ADAM18: variants seen among roughly 807,000 people sequenced by gnomAD.
The protein encoded by ADAM18 is ADAM metallopeptidase domain 18.
ADAM18 carries 117 observed loss-of-function variants against 94.4 expected under a neutral mutation model. That is an observed-to-expected ratio of 1.24 (90% CI 1.07 to 1.45). The LOEUF (loss-of-function observed/expected upper bound fraction) is 1.45. Among genes scored for constraint, ADAM18 ranks in the 40% most tolerant of loss-of-function variants. The pLI is 0.00. For missense variants in ADAM18, 936 were observed against 880.0 expected (o/e 1.06, Z -0.81); for synonymous variants, 327 against 291.6 (o/e 1.12, Z -1.24).
intron 18 of ADAM18, among the ~76,000 whole-genome samples, chr8:39,714,294 TG>T (rs1738980887): frequency 6.6e-6 from 1 of 151,990 alleles, no homozygotes; most frequent in Admixed American, 6.6e-5. Flanking sequence ...TGTTGGGAGA[TG>T]GGGGACTGGG....
chr8:39,663,699 T>C (rs1820911552), intron 12 of ADAM18, 96 bp from the exon 13 acceptor site: 1 of 743,408 alleles, frequency 1.3e-6, no homozygotes, highest in African/African-American at 1.8e-5. Context: ...AACTACAAGT[T>C]TGTACACAAC....
intron 6 of ADAM18, 59 bp downstream of exon 6, chr8:39,610,765 G>A (rs551203660): frequency 5.9e-6 from 9 of 1,529,242 alleles, no homozygotes; most frequent in African/African-American, 1.4e-5. Flanking sequence ...TAGTTTTCTT[G>A]TAAATCATGA....
chr8:39,726,592 G>C (rs1181002942), intron 19 of ADAM18, among the ~76,000 whole-genome samples: 1 of 152,060 alleles, frequency 6.6e-6, no homozygotes, highest in Non-Finnish European at 1.5e-5. Context: ...TATCGCATGT[G>C]CTTTTGGTGA....
At position 39,668,065 on chromosome 8, in the gene ADAM18, A is replaced by G. The variant is rs758713976; in HGVS notation, c.1394A>G (p.Asn465Ser). The change falls in exon 14 of 20, where the codon AAT becomes AGT. Residue 465 changes from asparagine to serine, a missense_variant. Asn to Ser is a conservative substitution (Grantham distance 46). Transcript: ENST00000265707. ...DPECDFTEYC[N>S]GTSSNCVPDT... is the part of the protein sequence containing the mutation. The stretch of plus-strand genomic sequence containing the variant: ...GAGTGTGATTTTACAGAGTACTGCA[A>G]TGGAACCTCTAGTAATTGTGTTCCT... The G allele has an allele frequency of 1.6e-5, 26 of 1,614,004 alleles. No individual in the cohort carries two copies. Among genetic ancestry groups the G allele is most frequent in the East Asian group, 1.1e-4 (5 of 44,884 alleles).
rs540334654 is a variant in ADAM18, at chr8:39,671,737, A to G, written c.1525+3541A>G. 3.3e-5 allele frequency among the ~76,000 whole-genome samples: 5 copies of G among 152,310 alleles called. No individual in the cohort carries two copies. The East Asian group carries it at 9.7e-4, about 29-fold the overall frequency. On this transcript the variant is annotated intron_variant, in intron 14 of 19. Transcript: ENST00000265707. ...TAACACGAAGTGTATTCTCATCAGTATCTTCTCGCTATCCTTCGTGGCCAC... is the reference window on the plus strand; with the variant it reads ...TAACACGAAGTGTATTCTCATCAGTGTCTTCTCGCTATCCTTCGTGGCCAC...
intron 2 of ADAM18, among the ~76,000 whole-genome samples, chr8:39,596,812 T>A (rs1240965401): frequency 6.6e-6 from 1 of 152,220 alleles, no homozygotes; most frequent in Non-Finnish European, 1.5e-5. Flanking sequence ...AGAGTTCCTG[T>A]GGCTCCTCAT....
intron 11 of ADAM18, among the ~76,000 whole-genome samples, 161 bp from the exon 12 acceptor site, chr8:39,648,183 G>C (rs79801118): frequency 0.097 from 14,746 of 152,252 alleles, 977 homozygotes; most frequent in South Asian, 0.25. Flanking sequence ...GAATGTTAAA[G>C]ATAAGCAATA....
At chr8:39,589,567 G>T (rs970715292) in intron 2 of ADAM18, among the ~76,000 whole-genome samples, 1 of 151,528 alleles carries the variant, frequency 6.6e-6, no homozygotes, top group Admixed American at 6.6e-5. Context: ...CTTGACATGC[G>T]TATTTTACAC....
rs1313051947 is a variant in ADAM18, at chr8:39,598,870, G to C, written c.133-7437G>C. Among the ~76,000 whole-genome samples, 3 of 151,670 alleles carry C rather than the reference G, an allele frequency of 2.0e-5. No homozygotes were observed. The East Asian group carries it at 5.8e-4, about 29-fold the overall frequency. On this transcript the variant is annotated intron_variant, in intron 2 of 19. Coordinates refer to ENST00000265707, the MANE Select transcript of ADAM18 (RefSeq NM_014237.3). ...TTTCTCACCCAGGCTGGAGTGCCGT[G>C]GTGCGATCCCAGCTCACTGCAACCA...
At chr8:39,692,352 C>T (rs1466308771) in intron 16 of ADAM18, among the ~76,000 whole-genome samples, 1 of 151,548 alleles carries the variant, frequency 6.6e-6, no homozygotes, top group Non-Finnish European at 1.5e-5. Flanking sequence ...CTATATATAA[C>T]CTTTACATTA....
intron 3 of ADAM18, among the ~76,000 whole-genome samples, chr8:39,608,330 G>A (rs551614264): frequency 6.6e-6 from 1 of 151,816 alleles, no homozygotes; most frequent in Non-Finnish European, 1.5e-5. Flanking sequence ...TCTCAACACA[G>A]TGCTGATTTT....
intron 2 of ADAM18, chr8:39,605,753 G>A: frequency 4.6e-6 from 1 of 218,416 alleles, no homozygotes; most frequent in East Asian, 1.4e-4. Context: ...GTGGTATTTG[G>A]TTACATGAGT....
intron 7 of ADAM18, among the ~76,000 whole-genome samples, chr8:39,631,585 G>A (rs928329839): frequency 3.3e-5 from 5 of 151,824 alleles, no homozygotes; most frequent in African/African-American, 1.2e-4. Flanking sequence ...CATTACTGTA[G>A]CTTTATTGTT....
At position 39,645,429 on chromosome 8, in the gene ADAM18, A is replaced by C. The variant is rs748912338; in HGVS notation, c.1001A>C (p.Gln334Pro). The change falls in exon 11 of 20, where the codon CAG becomes CCG. Residue 334 changes from glutamine to proline, a missense_variant. Coordinates refer to ENST00000265707, the MANE Select transcript of ADAM18 (RefSeq NM_014237.3). ...GGATTAACATATGATGACATCACTCAGTGTTTCTGTCTGAGAGCTACATGC... is the reference window on the plus strand; with the variant it reads ...GGATTAACATATGATGACATCACTCCGTGTTTCTGTCTGAGAGCTACATGC... ...NVGLTYDDIT[Q>P]CFCLRATCIM... 6 of 1,612,376 alleles carry C rather than the reference A, an allele frequency of 3.7e-6. No homozygotes were observed. In the Admixed American group the frequency reaches 8.3e-5, roughly 22 times the overall value.
chr8:39,592,280 T>G (rs62511873), intron 2 of ADAM18, among the ~76,000 whole-genome samples: 36,938 of 152,058 alleles, frequency 0.24, 4,763 homozygotes, highest in East Asian at 0.48. Context: ...ATAGTTCTAT[T>G]TTTAGTTTTT....
At chr8:39,673,024 G>A (rs1273509399) in intron 14 of ADAM18, among the ~76,000 whole-genome samples, 1 of 152,148 alleles carries the variant, frequency 6.6e-6, no homozygotes, top group Non-Finnish European at 1.5e-5. Flanking sequence ...AATTCCCTCA[G>A]TGGGGCTTTA....
chr8:39,585,325 A>G lies in ADAM18; in HGVS notation c.105A>G (p.Ser35=). Residue 35 remains serine, a synonymous_variant, in exon 2 of 20, where the codon TCA becomes TCG. Transcript: ENST00000265707. ...LHVTVPRKIK[S]NDSEVSERKM... ...TCACAGTTCCACGGAAGATTAAGTC[A>G]AATGACAGTGAAGTTTCAGAGAGGA... 1 of 1,613,524 alleles carries G rather than the reference A, an allele frequency of 6.2e-7. No homozygotes were observed. The highest frequency in any genetic ancestry group is 8.5e-7 in the Non-Finnish European group (1 of 1,179,624).
intron 6 of ADAM18, among the ~76,000 whole-genome samples, chr8:39,612,154 A>G (rs573061279): frequency 3.3e-5 from 5 of 151,280 alleles, no homozygotes; most frequent in African/African-American, 1.2e-4. Flanking sequence ...GGGAGGGAGG[A>G]GAGCAAAGAT....
Position 39,677,529 on chromosome 8 carries a change from G to A in ADAM18, c.1624G>A (p.Glu542Lys), listed in dbSNP as rs760967551. The A allele has an allele frequency of 1.3e-6, 2 of 1,596,916 alleles. No individual in the cohort carries two copies. Among genetic ancestry groups the A allele is most frequent in the African/African-American group, 2.7e-5 (2 of 74,068 alleles). The change falls in exon 15 of 20, where the codon GAA becomes AAA. Residue 542 changes from glutamate (E) to lysine (K), a missense_variant. Transcript: ENST00000265707. The part of the protein sequence containing the change: ...GFKNSQPLPC[E>K]RKDVLCGKLA... ...TAAAAATTCACAACCATTACCTTGT[G>A]AACGGAAGTACGTATGTAGAAAATG...
Sources: gnomAD v4.1 joint callset for allele counts (sites outside exome capture counted in the v4.1 genomes callset) on GRCh38, gnomAD v4.1.1 for gene constraint, MANE v1.5 for transcripts, NCBI Gene and HGNC (gene_info 2026-07-23, HGNC 2026-07-21) for gene names.